The following WDR70 variants were observed in gnomAD, a reference collection of about 807,000 sequenced individuals.
WDR70 encodes WD repeat-containing protein 70.
In WDR70, 53 loss-of-function variants were observed where a neutral mutation model predicts 88.6. That is an observed-to-expected ratio of 0.60 (90% confidence interval 0.48 to 0.75). The LOEUF is 0.75. WDR70 is among the 30% of genes least tolerant of loss of function. The pLI, the probability that WDR70 is intolerant of heterozygous loss-of-function variation, is 0.00. For missense variants in WDR70, 610 were observed against 823.2 expected, an observed-to-expected ratio of 0.74 and a Z score of 3.17; for synonymous variants, 280 against 270.0, an observed-to-expected ratio of 1.04 and a Z score of -0.36.
At chr5:37,410,773 T>TGG (rs1749498673) in intron 5 of WDR70, among the ~76,000 whole-genome samples, 1 of 152,218 alleles carries the variant, frequency 6.6e-6, no homozygotes, top group South Asian at 2.1e-4. Context: ...TTATGACACA[T>TGG]AGCCCTTAGT....
intron 7 of WDR70, among the ~76,000 whole-genome samples, chr5:37,472,046 C>A (rs932451437): frequency 6.6e-6 from 1 of 151,658 alleles, no homozygotes; most frequent in Admixed American, 6.6e-5. Context: ...TTTAATGATA[C>A]CCTTTATCAA....
chr5:37,580,242 G>A (rs886956560), intron 9 of WDR70, among the ~76,000 whole-genome samples: 2 of 152,160 alleles, frequency 1.3e-5, no homozygotes, highest in African/African-American at 4.8e-5. Context: ...GTATTGCCAA[G>A]CAGCTATGGA....
At chr5:37,551,366 A>G (rs1179094048) in intron 9 of WDR70, among the ~76,000 whole-genome samples, 2 of 152,026 alleles carry the variant, frequency 1.3e-5, no homozygotes, top group Non-Finnish European at 2.9e-5. Flanking sequence ...GTGCCTTAAC[A>G]TAGTCCCCTA....
intron 8 of WDR70, chr5:37,506,986 C>T: frequency 1.7e-6 from 1 of 592,650 alleles, no homozygotes; most frequent in South Asian, 1.8e-5. Flanking sequence ...CACCTTCCTG[C>T]CCTTGGGGAC....
chr5:37,564,169 G>A (rs2112387522), intron 9 of WDR70, among the ~76,000 whole-genome samples: 1 of 151,494 alleles, frequency 6.6e-6, no homozygotes, highest in African/African-American at 2.4e-5. Context: ...CGGGGCCAAG[G>A]CAGGCAGCTG....
chr5:37,616,724 A>T (rs902232157), intron 10 of WDR70, among the ~76,000 whole-genome samples: 1 of 152,122 alleles, frequency 6.6e-6, no homozygotes, highest in Admixed American at 6.5e-5. Context: ...TAAGATTAAT[A>T]TGGTCAGGGA....
chr5:37,660,848 C>T lies in WDR70; in HGVS notation c.1093-36807C>T, dbSNP rs1477077439. On this transcript the variant is annotated intron_variant, in intron 10 of 17. Coordinates refer to ENST00000265107, the MANE Select transcript of WDR70 (RefSeq NM_018034.4). ...CTGCATCAGCAGATTCAACCAACCA[C>T]AGATTGAAAATATTCAGAAAAAATT... 3.3e-5 allele frequency among the ~76,000 whole-genome samples: 5 copies of T among 151,974 alleles called. No individual in the cohort carries two copies. In the East Asian group the frequency reaches 7.7e-4, roughly 24 times the overall value.
intron 13 of WDR70, among the ~76,000 whole-genome samples, chr5:37,713,949 G>A (rs1381826363): frequency 1.3e-5 from 2 of 152,192 alleles, no homozygotes; most frequent in Non-Finnish European, 2.9e-5. Flanking sequence ...TATATATAGT[G>A]TGGGGAAGAA....
intron 10 of WDR70, among the ~76,000 whole-genome samples, chr5:37,616,531 C>A (rs1350056962): frequency 6.6e-6 from 1 of 152,186 alleles, no homozygotes; most frequent in Non-Finnish European, 1.5e-5. Context: ...CTCCCACAAG[C>A]CCCCCGCTGC....
intron 10 of WDR70, among the ~76,000 whole-genome samples, chr5:37,663,454 G>A (rs1745755595): frequency 6.6e-6 from 1 of 152,146 alleles, no homozygotes; most frequent in African/African-American, 2.4e-5. Flanking sequence ...CTGAAAAAAA[G>A]CCCACAGTTT....
At chr5:37,699,973 A>G (rs900823404) in intron 11 of WDR70, among the ~76,000 whole-genome samples, 1 of 136,596 alleles carries the variant, frequency 7.3e-6, no homozygotes, top group East Asian at 2.3e-4. Flanking sequence ...CAAAAACAAA[A>G]ACAAAAAAAA....
intron 13 of WDR70, among the ~76,000 whole-genome samples, chr5:37,707,599 A>G (rs1283093694): frequency 6.6e-6 from 1 of 152,112 alleles, no homozygotes; most frequent in Admixed American, 6.5e-5. Flanking sequence ...ATTTTCAACT[A>G]GTATGCCTTG....
At chr5:37,560,532 A>G (rs1742469857) in intron 9 of WDR70, among the ~76,000 whole-genome samples, 1 of 152,192 alleles carries the variant, frequency 6.6e-6, no homozygotes. Flanking sequence ...TATTTAAATT[A>G]TATACACTTT....
At chr5:37,527,120 GA>G (rs1230363818) in intron 9 of WDR70, among the ~76,000 whole-genome samples, 3,363 of 151,952 alleles carry the variant, frequency 0.022, 128 homozygotes, top group African/African-American at 0.077. Flanking sequence ...CACAGAATTG[GA>G]AAAAAACTAC....
chr5:37,713,933 C>T (rs559970849), intron 13 of WDR70, among the ~76,000 whole-genome samples: 1 of 152,300 alleles, frequency 6.6e-6, no homozygotes, highest in South Asian at 2.1e-4. Context: ...GCCAAACTTT[C>T]ACAATTATAT....
rs189033033 is a variant in WDR70 at position 37,404,994 on chromosome 5, G to A, written c.492+8424G>A. ...ATGGGGTCCCTCCTATCAGTTTTTG[G>A]CCAGGTCAGCTCTGTTTTTATGTTA... On this transcript the variant is annotated intron_variant, in intron 5 of 17. Transcript: ENST00000265107. Among the ~76,000 whole-genome samples the A allele has an allele frequency of 3.9e-5, 6 of 152,188 alleles. No homozygotes were observed. The East Asian group carries it at 1.2e-3, about 29-fold the overall frequency.
rs186626001 is a variant in WDR70, at chr5:37,488,117, T to C, written c.840+8130T>C. On this transcript the variant is annotated intron_variant, in intron 8 of 17. Coordinates refer to ENST00000265107, the MANE Select transcript of WDR70 (RefSeq NM_018034.4). ...TTTTCCTTTCAGCACTTTGACAATA[T>C]CATTTCATTCTCTTCTGGCCTATAA... is the stretch of plus-strand genomic sequence containing the variant. 1.4e-3 allele frequency among the ~76,000 whole-genome samples: 208 copies of C among 146,606 alleles called. 2 individuals are homozygous for C. In the East Asian group the frequency reaches 0.029, roughly 20 times the overall value.
chr5:37,409,869 C>G (rs1749468560), intron 5 of WDR70, among the ~76,000 whole-genome samples: 1 of 152,120 alleles, frequency 6.6e-6, no homozygotes, highest in Non-Finnish European at 1.5e-5. Flanking sequence ...TTTTTCACAA[C>G]TATTATAATT....
rs531903747 is a variant in WDR70 at position 37,471,485 on chromosome 5, G to C, written c.687-8349G>C. On this transcript the variant is annotated intron_variant, in intron 7 of 17. Coordinates refer to ENST00000265107, the MANE Select transcript of WDR70 (RefSeq NM_018034.4). ...TTTTTTTTTTAAATACCATTTAATA[G>C]ATTTTAAAAATATGGTGGATCTAGG... 2.3e-3 allele frequency among the ~76,000 whole-genome samples: 344 copies of C among 151,268 alleles called. 3 individuals are homozygous for C. Among genetic ancestry groups the C allele is most frequent in the African/African-American group, 8.1e-3 (333 of 41,014 alleles).
Sources: allele counts gnomAD v4.1 joint callset (sites outside exome capture counted in the v4.1 genomes callset), GRCh38; gene constraint gnomAD v4.1.1; transcripts MANE v1.5; gene names NCBI Gene and HGNC (gene_info 2026-07-23, HGNC 2026-07-21).